MAGI2: variants seen among roughly 807,000 people sequenced by gnomAD.
The protein encoded by MAGI2 is membrane associated guanylate kinase, WW and PDZ domain containing 2, also known as membrane-associated guanylate kinase, WW and PDZ domain-containing protein 2.
MAGI2 carries 35 observed loss-of-function variants against 133.3 expected under a neutral mutation model. That is an observed-to-expected ratio of 0.26 (90% CI 0.20 to 0.35). MAGI2 has a LOEUF of 0.35. Among genes scored for constraint, MAGI2 ranks in the 10% least tolerant of loss-of-function variants. The pLI is 1.00. For missense variants in MAGI2, 1,636 were observed against 1,863.4 expected (o/e 0.88, Z 2.25); for synonymous variants, 729 against 710.6 (o/e 1.03, Z -0.41).
chr7:78,436,838 C>G (rs1800336267), intron 6 of MAGI2, among the ~76,000 whole-genome samples: 1 of 152,296 alleles, frequency 6.6e-6, no homozygotes, highest in Admixed American at 6.5e-5. Context: ...ACTTTCAAAG[C>G]CCAGATCCAA....
At chr7:78,900,883 T>C (rs1382904077) in intron 2 of MAGI2, among the ~76,000 whole-genome samples, 2 of 152,128 alleles carry the variant, frequency 1.3e-5, no homozygotes, top group Non-Finnish European at 2.9e-5. Flanking sequence ...AAATAGGTAG[T>C]CAAGATGAGT....
At chr7:78,248,149 A>G (rs1474909688) in intron 10 of MAGI2, among the ~76,000 whole-genome samples, 3 of 152,220 alleles carry the variant, frequency 2.0e-5, no homozygotes, top group Non-Finnish European at 1.5e-5. Flanking sequence ...GAAACCCTGG[A>G]GTCTAAGAAA....
rs1804827228 is a variant in MAGI2, at chr7:78,981,933, G to T, written c.418+25157C>A. 2.6e-5 allele frequency among the ~76,000 whole-genome samples: 4 copies of T among 151,900 alleles called. No homozygotes were observed. The South Asian group carries it at 8.3e-4, about 31-fold the overall frequency. ...TATTCCTTGACAATTCCCTGGCTCA[G>T]CAGGCAGTGTAGTCTAAATCTCTTT... On this transcript the variant is annotated intron_variant, in intron 2 of 21. Coordinates refer to ENST00000354212, the MANE Select transcript of MAGI2 (RefSeq NM_012301.4).
Position 78,896,190 on chromosome 7 carries a change from A to C in MAGI2, c.418+110900T>G, listed in dbSNP as rs536772844. Among the ~76,000 whole-genome samples the C allele has an allele frequency of 3.3e-5, 5 of 152,264 alleles. No individual in the cohort carries two copies. In the South Asian group the frequency reaches 1.0e-3, roughly 32 times the overall value. ...AAGAAAGACCCTGTTTATTTCCTGC[A>C]TTTCTTTGAGCACCTTTATTATATT... On this transcript the variant is annotated intron_variant, in intron 2 of 21. Coordinates refer to ENST00000354212, the MANE Select transcript of MAGI2 (RefSeq NM_012301.4).
intron 16 of MAGI2, among the ~76,000 whole-genome samples, chr7:78,135,831 A>G (rs987188177): frequency 6.6e-6 from 1 of 152,234 alleles, no homozygotes; most frequent in Non-Finnish European, 1.5e-5. Flanking sequence ...GTGTTGTCAC[A>G]TCTTACCTCT....
At chr7:78,809,697 T>C (rs1188075962) in intron 2 of MAGI2, among the ~76,000 whole-genome samples, 3 of 152,172 alleles carry the variant, frequency 2.0e-5, no homozygotes, top group Non-Finnish European at 4.4e-5. Flanking sequence ...ATGTTATTTA[T>C]TGAGGTCTCT....
intron 21 of MAGI2, chr7:78,026,113 CAGAT>C (rs1388056602): frequency 6.6e-6 from 1 of 152,528 alleles, no homozygotes; most frequent in Non-Finnish European, 1.5e-5. Context: ...TCCTAGAAAA[CAGAT>C]TGATTAATCC....
At chr7:78,044,148 C>T (rs375089033) in intron 21 of MAGI2, among the ~76,000 whole-genome samples, 4 of 152,116 alleles carry the variant, frequency 2.6e-5, no homozygotes, top group East Asian at 1.9e-4. Flanking sequence ...ATGTGACTCC[C>T]CCAACTCCAA....
intron 6 of MAGI2, among the ~76,000 whole-genome samples, chr7:78,473,179 A>T (rs1468507887): frequency 6.6e-6 from 1 of 152,164 alleles, no homozygotes; most frequent in Non-Finnish European, 1.5e-5. Context: ...CACAGAGCCC[A>T]TAAAGTGACT....
chr7:78,295,587 C>T (rs1797146477), intron 9 of MAGI2, among the ~76,000 whole-genome samples: 1 of 152,120 alleles, frequency 6.6e-6, no homozygotes, highest in Admixed American at 6.6e-5. Flanking sequence ...TCTCCTAGTT[C>T]CTATCACAAT....
chr7:79,017,740 C>A (rs1347468475), intron 1 of MAGI2, among the ~76,000 whole-genome samples: 1 of 152,134 alleles, frequency 6.6e-6, no homozygotes, highest in Non-Finnish European at 1.5e-5. Context: ...TATGAACAAA[C>A]TGATCTGATA....
intron 2 of MAGI2, among the ~76,000 whole-genome samples, chr7:78,800,112 C>G (rs37875): frequency 0.85 from 128,545 of 152,118 alleles, 54,867 homozygotes; most frequent in East Asian, 0.96. Context: ...TATTTAGTTT[C>G]CAAAAACCCA....
At chr7:78,650,348 C>T (rs1811420053) in intron 2 of MAGI2, among the ~76,000 whole-genome samples, 1 of 152,130 alleles carries the variant, frequency 6.6e-6, no homozygotes, top group Admixed American at 6.5e-5. Flanking sequence ...GAAGGATAGA[C>T]AGGCATCCAG....
chr7:78,653,743 T>C (rs910407170), intron 2 of MAGI2, among the ~76,000 whole-genome samples: 8 of 150,260 alleles, frequency 5.3e-5, no homozygotes, highest in Admixed American at 4.0e-4. Context: ...ACCTGCATGT[T>C]CTGCACCTGT....
chr7:78,925,433 A>T (rs1030219003), intron 2 of MAGI2, among the ~76,000 whole-genome samples: 1 of 152,040 alleles, frequency 6.6e-6, no homozygotes, highest in Non-Finnish European at 1.5e-5. Flanking sequence ...TATTGTAGAT[A>T]TTAGTCATTC....
intron 12 of MAGI2, among the ~76,000 whole-genome samples, chr7:78,192,463 A>G (rs3823778): frequency 0.39 from 58,718 of 151,282 alleles, 11,590 homozygotes; most frequent in East Asian, 0.49. Flanking sequence ...TACTGCTTTA[A>G]ACATTTACAT....
chr7:79,146,468 G>C (rs576122685), intron 1 of MAGI2, among the ~76,000 whole-genome samples: 2 of 152,120 alleles, frequency 1.3e-5, no homozygotes, highest in African/African-American at 4.8e-5. Context: ...TGACTTAATG[G>C]ATGGTGTGAT....
intron 2 of MAGI2, among the ~76,000 whole-genome samples, chr7:78,823,078 A>G (rs945276418): frequency 2.0e-5 from 3 of 152,192 alleles, no homozygotes; most frequent in Admixed American, 2.0e-4. Context: ...GTGGCTCATT[A>G]GTTAGAATTT....
At chr7:79,360,846 G>T (rs754745237) in intron 1 of MAGI2, among the ~76,000 whole-genome samples, 3 of 151,904 alleles carry the variant, frequency 2.0e-5, no homozygotes, top group Non-Finnish European at 2.9e-5. Flanking sequence ...TAGAAAAGAA[G>T]AAATAAGGTG....
Sources: gnomAD v4.1 joint callset for allele counts (sites outside exome capture counted in the v4.1 genomes callset) on GRCh38, gnomAD v4.1.1 for gene constraint, MANE v1.5 for transcripts, NCBI Gene and HGNC (gene_info 2026-07-23, HGNC 2026-07-21) for gene names.